The following NCOR1 variants were observed in gnomAD, a reference collection of about 807,000 sequenced individuals.
NCOR1 encodes protein phosphatase 1, regulatory subunit 109.
Under a neutral mutation model 288.1 loss-of-function variants are expected in NCOR1, and 63 were observed. The ratio of observed to expected loss-of-function variants is 0.22; its 90% CI spans 0.18 to 0.27. The LOEUF (loss-of-function observed/expected upper bound fraction) is 0.27, where lower values mean the gene tolerates loss of function less well. NCOR1 is among the 10% of genes least tolerant of loss of function. The probability of loss-of-function intolerance (pLI) is 1.00; values close to 1 mark genes in which losing one functional copy is unlikely to be tolerated. For synonymous variants in NCOR1, 1,007 were observed against 1,065.9 expected, an observed-to-expected ratio of 0.94 and a Z score of 1.08; for missense variants, 2,397 against 3,019.2, an observed-to-expected ratio of 0.79 and a Z score of 4.83.
At position 16,057,693 on chromosome 17, in the gene NCOR1, C is replaced by A. The variant is rs2060091509; in HGVS notation, c.6213G>T (p.Gln2071His). The change falls in exon 40 of 46, where the codon CAG becomes CAT. Residue 2071 changes from glutamine to histidine, a missense_variant. Physicochemically the swap from Gln to His is conservative, Grantham distance 24. Transcript: ENST00000268712. ...TAGAAGTAGGAGGCTGCTGGGGAGT[C>A]TGCGAGGAAACTTGATTTCTAGCAA... is the stretch of plus-strand genomic sequence containing the variant. ...QDFARNQVSSQTPQQPPTSTF... is the reference protein window; with the variant it reads ...QDFARNQVSSHTPQQPPTSTF... 6.2e-7 allele frequency: 1 copy of A among 1,613,814 alleles called. No homozygotes were observed. The highest frequency in any genetic ancestry group is 8.5e-7 in the Non-Finnish European group (1 of 1,179,958).
rs75528385 is a variant in NCOR1 at position 16,118,578 on chromosome 17, A to G, written c.1916-551T>C. 4.3e-4 allele frequency among the ~76,000 whole-genome samples: 66 copies of G among 152,268 alleles called. 1 individual carries two copies. In the East Asian group the frequency reaches 0.012, roughly 28 times the overall value. Reference sequence around the variant, plus strand: ...TATGCAATTTAACACTTCTCTAATCAATATATATATGCACACACATAAACA... The same window carrying G: ...TATGCAATTTAACACTTCTCTAATCGATATATATATGCACACACATAAACA... On this transcript the variant is annotated intron_variant, in intron 17 of 45. Transcript: ENST00000268712.
At chr17:16,083,672 C>G (rs539068121) in intron 23 of NCOR1, among the ~76,000 whole-genome samples, 92 of 150,596 alleles carry the variant, frequency 6.1e-4, no homozygotes, top group African/African-American at 2.1e-3. Context: ...TAAAATAGTT[C>G]CCTATGCTCG....
At chr17:16,084,448 G>A (rs1340388629) in intron 23 of NCOR1, 1 of 152,666 alleles carries the variant, frequency 6.6e-6, no homozygotes, top group African/African-American at 2.4e-5. Context: ...AAAAAAAGGG[G>A]GGAGACAGAC....
At chr17:16,141,253 C>CT (rs1369831494) in intron 11 of NCOR1, among the ~76,000 whole-genome samples, 10 of 152,108 alleles carry the variant, frequency 6.6e-5, no homozygotes, top group African/African-American at 2.4e-4. Flanking sequence ...GGATATACCT[C>CT]TGACTAAATA....
At chr17:16,115,046 C>G (rs570954362) in intron 18 of NCOR1, among the ~76,000 whole-genome samples, 53 of 152,270 alleles carry the variant, frequency 3.5e-4, no homozygotes, top group African/African-American at 1.2e-3. Context: ...CCTCTGAAAT[C>G]TAGGCAGAGG....
At position 16,151,984 on chromosome 17, in the gene NCOR1, C is replaced by T. The variant is rs1198679861; in HGVS notation, c.804G>A (p.Gln268=). ...GPKVELPLYN[Q]PSDTKVYHEN... is the part of the protein sequence containing the mutation. ...CATGGTACACCTTGGTATCTGATGG[C>T]TGGTTATACAGTGGCTATAAAAGAA... Residue 268 remains glutamine (Q), a synonymous_variant, in exon 8 of 46, where the codon CAG becomes CAA. Coordinates refer to ENST00000268712, the MANE Select transcript of NCOR1 (RefSeq NM_006311.4). 2.5e-6 allele frequency: 4 copies of T among 1,596,446 alleles called. No homozygotes were observed. Among genetic ancestry groups the T allele is most frequent in the Non-Finnish European group, 3.4e-6 (4 of 1,172,104 alleles).
chr17:16,172,124 C>T (rs533083637), intron 3 of NCOR1, 129 bp from the exon 4 acceptor site: 108 of 642,032 alleles, frequency 1.7e-4, no homozygotes, highest in African/African-American at 1.7e-3. Context: ...GAATCCGTAC[C>T]CCTTCTGTTC....
intron 2 of NCOR1, among the ~76,000 whole-genome samples, chr17:16,187,985 G>A (rs57669735): frequency 0.011 from 1,692 of 152,134 alleles, 37 homozygotes; most frequent in African/African-American, 0.038. Context: ...AAAAGATGGG[G>A]AGAAGAGGAG....
rs2152999245 is a variant in NCOR1, at chr17:16,101,692, C to G, written c.2248G>C (p.Ala750Pro). ...NATSRGNTEP[A>P]VELEPTTETA... The stretch of plus-strand genomic sequence containing the variant: ...TCCGTGGTGGGCTCAAGCTCAACCG[C>G]AGGTTCTGTGTTTCCTCGAGAAGTA... Residue 750 changes from alanine (A) to proline (P), a missense_variant, in exon 20 of 46, where the codon GCG (alanine) becomes CCG (proline). Transcript: ENST00000268712. 1 of 1,614,206 alleles carries G rather than the reference C, an allele frequency of 6.2e-7. No homozygotes were observed. Among genetic ancestry groups the G allele is most frequent in the Non-Finnish European group, 8.5e-7 (1 of 1,180,038 alleles).
chr17:16,061,269 A>G, intron 37 of NCOR1, 132 bp downstream of exon 37: 1 of 1,108,638 alleles, frequency 9.0e-7, no homozygotes. Context: ...AAACAGCAGA[A>G]GATACATTTT....
Position 16,029,874 on chromosome 17 carries a change from G to C in NCOR1, c.*2422C>G, listed in dbSNP as rs1409221461. ...ATGAGGATGGAGGGAGTGGTTCACAGCACCTCACCTTCGGGTCCTCAGGTA... is the reference window on the plus strand; with the variant it reads ...ATGAGGATGGAGGGAGTGGTTCACACCACCTCACCTTCGGGTCCTCAGGTA... On this transcript the variant is annotated 3_prime_UTR_variant, in exon 46 of 46. Coordinates refer to ENST00000268712, the MANE Select transcript of NCOR1 (RefSeq NM_006311.4). 1 of 152,960 alleles carries C rather than the reference G, an allele frequency of 6.5e-6. No homozygotes were observed. The highest frequency in any genetic ancestry group is 1.5e-5 in the Non-Finnish European group (1 of 68,498). 9.5% of individuals were successfully genotyped at this position (152,960 alleles called of 1,614,324 possible). A position where few individuals can be genotyped will look rare whatever the true frequency, so the allele number is the denominator to read the frequency against.
At chr17:16,200,385 T>C (rs2090609989) in intron 1 of NCOR1, among the ~76,000 whole-genome samples, 2 of 148,002 alleles carry the variant, frequency 1.4e-5, no homozygotes, top group South Asian at 4.2e-4. Flanking sequence ...TAGTCCCAGC[T>C]ACTCGAGAGG....
chr17:16,069,567 G>T (rs1422459928), intron 31 of NCOR1, among the ~76,000 whole-genome samples: 1 of 152,158 alleles, frequency 6.6e-6, no homozygotes, highest in Admixed American at 6.5e-5. Context: ...GGGTTATAGT[G>T]ACAACAATAA....
intron 1 of NCOR1, among the ~76,000 whole-genome samples, chr17:16,207,954 T>A (rs1360982216): frequency 6.6e-6 from 1 of 150,580 alleles, no homozygotes; most frequent in African/African-American, 2.4e-5. Context: ...ATTTTTTATA[T>A]AAAACTAGTC....
At position 16,101,734 on chromosome 17, in the gene NCOR1, C is replaced by T. The variant is rs1333311043; in HGVS notation, c.2206G>A (p.Asp736Asn). ...SEVEAVKPSE[D>N]SPENATSRGN... ...CGAGAAGTAGCATTTTCAGGACTGT[C>T]CTCGCTGGGCTTGACAGCTTCAACT... is the stretch of plus-strand genomic sequence containing the variant. The change falls in exon 20 of 46, where the codon GAC becomes AAC. Residue 736 changes from aspartate (D) to asparagine (N), a missense_variant. By Grantham distance (23) the Asp-to-Asn change is conservative. Around this residue, in one of 11 missense-constraint regions of NCOR1, gnomAD observed 1,872 missense variants for 2,187.8 expected, o/e 0.86. Coordinates refer to ENST00000268712, the MANE Select transcript of NCOR1 (RefSeq NM_006311.4). The T allele has an allele frequency of 1.9e-6, 3 of 1,614,104 alleles. No individual in the cohort carries two copies. The highest frequency in any genetic ancestry group is 2.2e-5 in the South Asian group (2 of 91,088).
chr17:16,083,858 T>TG (rs200438992), intron 23 of NCOR1, among the ~76,000 whole-genome samples: 92 of 151,718 alleles, frequency 6.1e-4, no homozygotes, highest in Middle Eastern at 3.4e-3. Context: ...GATTCATGTT[T>TG]GGGGGGGGAA....
intron 8 of NCOR1, chr17:16,151,558 T>C: frequency 2.3e-6 from 3 of 1,306,176 alleles, no homozygotes; most frequent in Non-Finnish European, 3.0e-6. Flanking sequence ...GTGTCATCAC[T>C]AGTCTTAAAT....
intron 37 of NCOR1, 150 bp downstream of exon 37, chr17:16,061,251 A>C (rs919779460): frequency 2.1e-6 from 2 of 974,646 alleles, no homozygotes; most frequent in Admixed American, 2.5e-5. Context: ...ATATTTAAAT[A>C]ATCATAAAAA....
chr17:16,083,583 GTT>G (rs74372157), intron 23 of NCOR1, among the ~76,000 whole-genome samples: 5 of 133,930 alleles, frequency 3.7e-5, no homozygotes, highest in Non-Finnish European at 3.3e-5. Context: ...GTGGTTCATG[GTT>G]TTTTTTTTTT....
Sources: allele counts gnomAD v4.1 joint callset (sites outside exome capture counted in the v4.1 genomes callset), GRCh38; gene constraint gnomAD v4.1.1; regional missense constraint gnomAD v4.1.1; transcripts MANE v1.5; gene names NCBI Gene and HGNC (gene_info 2026-07-23, HGNC 2026-07-21).